CTBP2: variants seen among roughly 807,000 people sequenced by gnomAD.
CTBP2 encodes the protein C-terminal binding protein 2.
CTBP2 carries 30 observed loss-of-function variants against 80.3 expected under a neutral mutation model. The observed-to-expected ratio is 0.37, with a 90% CI of 0.28 to 0.51. The LOEUF is 0.51. Among genes scored for constraint, CTBP2 ranks in the 20% least tolerant of loss-of-function variants. The pLI is 0.93. For missense variants in CTBP2, 1,212 were observed against 1,375.3 expected, an observed-to-expected ratio of 0.88 and a Z score of 1.88; for synonymous variants, 594 against 587.4, an observed-to-expected ratio of 1.01 and a Z score of -0.16.
At chr10:125,105,342 G>T (rs1003166604) in intron 2 of CTBP2, among the ~76,000 whole-genome samples, 1 of 152,178 alleles carries the variant, frequency 6.6e-6, no homozygotes, top group Non-Finnish European at 1.5e-5. Context: ...TATAGAGATG[G>T]GGTCTTGCTA....
At chr10:125,050,198 C>A (rs1387564659) in intron 2 of CTBP2, among the ~76,000 whole-genome samples, 1 of 152,196 alleles carries the variant, frequency 6.6e-6, no homozygotes, top group African/African-American at 2.4e-5. Context: ...GCGTCTCTAT[C>A]ACCAAAAGCC....
At chr10:125,046,537 CAAAAAA>C (rs57913854) in intron 2 of CTBP2, among the ~76,000 whole-genome samples, 4 of 114,770 alleles carry the variant, frequency 3.5e-5, no homozygotes, top group Middle Eastern at 8.8e-3. Context: ...GACTCTATCT[CAAAAAA>C]AAAAAAAAAA....
intron 1 of CTBP2, chr10:125,026,057 AG>A: frequency 6.5e-7 from 1 of 1,537,140 alleles, no homozygotes; most frequent in African/African-American, 1.4e-5. Context: ...GTCCCCAGGC[AG>A]GGCAGGCGGG....
At chr10:125,055,034 G>A (rs1395944781) in intron 2 of CTBP2, among the ~76,000 whole-genome samples, 1 of 152,092 alleles carries the variant, frequency 6.6e-6, no homozygotes, top group Non-Finnish European at 1.5e-5. Context: ...TCTGACTCAC[G>A]CACACCCATA....
At position 124,985,973 on chromosome 10, in the gene CTBP2, C is replaced by T. The variant is rs1268681606; in HGVS notation, c.*3545G>A. On this transcript the variant is annotated 3_prime_UTR_variant, in exon 9 of 9. Coordinates refer to ENST00000309035, the MANE Select transcript of CTBP2 (RefSeq NM_022802.3). ...CTTAGGCAGATTGGGAATACCAATT[C>T]ACTACAGAATAAAGATTTTAAAAAT... The T allele has an allele frequency of 1.3e-5, 2 of 152,258 alleles. No homozygotes were observed. The highest frequency in any genetic ancestry group is 2.9e-5 in the Non-Finnish European group (2 of 68,040). The allele number at this position is 152,258 out of a possible 1,614,324, so 9.4% of individuals were successfully genotyped here.
At chr10:124,991,156 G>A (rs1952557317) in intron 8 of CTBP2, among the ~76,000 whole-genome samples, 1 of 152,242 alleles carries the variant, frequency 6.6e-6, no homozygotes, top group South Asian at 2.1e-4. Flanking sequence ...GCCAACCACA[G>A]AACACAGGGT....
At chr10:125,073,178 A>G (rs1315301438) in intron 2 of CTBP2, among the ~76,000 whole-genome samples, 1 of 152,166 alleles carries the variant, frequency 6.6e-6, no homozygotes, top group Non-Finnish European at 1.5e-5. Context: ...TCTTAATCTC[A>G]ATGTTGATGA....
At chr10:125,014,736 G>A (rs893573866) in intron 1 of CTBP2, among the ~76,000 whole-genome samples, 2 of 152,196 alleles carry the variant, frequency 1.3e-5, no homozygotes, top group Non-Finnish European at 2.9e-5. Context: ...CTAAAGTCTC[G>A]GGAAGAATGA....
intron 2 of CTBP2, among the ~76,000 whole-genome samples, chr10:125,058,419 A>G (rs990000079): frequency 6.6e-6 from 1 of 152,166 alleles, no homozygotes; most frequent in Non-Finnish European, 1.5e-5. Flanking sequence ...TGCCTTTTCC[A>G]AGCTAACCGC....
chr10:125,133,870 C>T (rs561487240), intron 1 of CTBP2, among the ~76,000 whole-genome samples: 3 of 152,288 alleles, frequency 2.0e-5, no homozygotes, highest in East Asian at 1.9e-4. Flanking sequence ...CCTATTCAGC[C>T]GACCATGTGG....
chr10:125,034,100 A>C (rs1564762646), intron 3 of CTBP2, among the ~76,000 whole-genome samples: 1 of 152,210 alleles, frequency 6.6e-6, no homozygotes, highest in East Asian at 1.9e-4. Flanking sequence ...TCCGCCCATC[A>C]CCAAACTGAC....
At chr10:124,994,317 C>A (rs1054392044) in intron 5 of CTBP2, 152 bp downstream of exon 7, 1 of 800,090 alleles carries the variant, frequency 1.2e-6, no homozygotes, top group African/African-American at 1.7e-5. Context: ...AGGGGCTTCA[C>A]GTGGCTTGTC....
At chr10:125,052,606 C>G (rs1464391556) in intron 2 of CTBP2, among the ~76,000 whole-genome samples, 1 of 152,222 alleles carries the variant, frequency 6.6e-6, no homozygotes, top group Non-Finnish European at 1.5e-5. Flanking sequence ...GATCCCCACA[C>G]GGCCCACAGA....
intron 2 of CTBP2, among the ~76,000 whole-genome samples, chr10:125,051,106 G>A (rs1430854057): frequency 6.6e-6 from 1 of 152,134 alleles, no homozygotes; most frequent in East Asian, 1.9e-4. Context: ...ACATTTTATG[G>A]GGATATTGTG....
chr10:125,031,056 T>G (rs1343328082), upstream of CTBP2, among the ~76,000 whole-genome samples: 1 of 152,086 alleles, frequency 6.6e-6, no homozygotes, highest in Non-Finnish European at 1.5e-5. Context: ...AGTTAGCGGG[T>G]AACACGGTTT....
chr10:125,007,170 G>A (rs1025069228), intron 1 of CTBP2, among the ~76,000 whole-genome samples: 1 of 152,230 alleles, frequency 6.6e-6, no homozygotes, highest in African/African-American at 2.4e-5. Flanking sequence ...ACACATCACG[G>A]AAATGACATC....
At chr10:125,129,832 G>A (rs1855856830) in intron 1 of CTBP2, among the ~76,000 whole-genome samples, 1 of 152,200 alleles carries the variant, frequency 6.6e-6, no homozygotes, top group South Asian at 2.1e-4. Context: ...GCACACGACA[G>A]AGCAGCAACC....
chr10:125,063,547 C>T (rs1048023403), intron 2 of CTBP2, among the ~76,000 whole-genome samples: 6 of 152,124 alleles, frequency 3.9e-5, no homozygotes, highest in South Asian at 2.1e-4. Flanking sequence ...CACACAAAAC[C>T]GAAGTAAAAT....
In CTBP2 at chr10:125,128,005, C is replaced by G. The variant is rs367996491; in HGVS notation, c.-205-16912G>C. ...CCACTTAAGAGAACATTCTAGTAAC[C>G]CTATAAAACATGCTTCTAAAAGTAA... On this transcript the variant is annotated intron_variant, in intron 1 of 10. Transcript: ENST00000337195. 3.3e-5 allele frequency among the ~76,000 whole-genome samples: 5 copies of G among 152,184 alleles called. No individual in the cohort carries two copies. The South Asian group carries it at 8.3e-4, about 25-fold the overall frequency.
Sources: allele counts gnomAD v4.1 joint callset (sites outside exome capture counted in the v4.1 genomes callset), GRCh38; gene constraint gnomAD v4.1.1; transcripts MANE v1.5; gene names NCBI Gene and HGNC (gene_info 2026-07-23, HGNC 2026-07-21).